USH2A: variants seen among roughly 807,000 people sequenced by gnomAD.
USH2A encodes Usher syndrome 2A (autosomal recessive, mild).
USH2A carries 443 observed loss-of-function variants against 538.9 expected under a neutral mutation model. The ratio of observed to expected loss-of-function variants is 0.82; its 90% CI spans 0.76 to 0.89. The LOEUF is 0.89. Ranked by LOEUF, USH2A falls within the 40% of genes least tolerant of loss-of-function variation. USH2A has a pLI of 0.00. For synonymous variants in USH2A, 2,413 were observed against 2,273.5 expected (o/e 1.06, Z -1.75); for missense variants, 6,633 against 6,324.8 (o/e 1.05, Z -1.65).
At position 215,999,016 on chromosome 1, in the gene USH2A, A is replaced by T; in HGVS notation, c.6528T>A (p.Tyr2176Ter). ...GTGTATGGTTTGACATATATAATAC[A>T]TAGCGTTCCAGAATCCCACTTATTT... is the stretch of plus-strand genomic sequence containing the variant. ...PRKISGILER[Y>*]VLYMSNHTHD... The change falls in exon 34 of 72, where the codon TAT becomes TAA. Residue 2176 changes from tyrosine to a stop codon, truncating the protein, a stop_gained. Coordinates refer to ENST00000307340, the MANE Select transcript of USH2A (RefSeq NM_206933.4). LOFTEE classifies it high-confidence loss of function. 1.9e-6 allele frequency: 3 copies of T among 1,612,584 alleles called. No homozygotes were observed. The highest frequency in any genetic ancestry group is 2.5e-6 in the Non-Finnish European group (3 of 1,178,982).
intron 26 of USH2A, among the ~76,000 whole-genome samples, chr1:216,081,531 G>A (rs77341298): frequency 0.01 from 1,597 of 152,228 alleles, 28 homozygotes; most frequent in African/African-American, 0.037. Context: ...TGCATGGGAA[G>A]TGTTAAAAGA....
At chr1:215,876,591 C>G (rs1664781194) in intron 43 of USH2A, among the ~76,000 whole-genome samples, 1 of 152,144 alleles carries the variant, frequency 6.6e-6, no homozygotes, top group African/African-American at 2.4e-5. Context: ...TATGGTAGAT[C>G]TGATAATATA....
At chr1:215,846,301 G>A (rs1248107095) in intron 44 of USH2A, among the ~76,000 whole-genome samples, 3 of 152,052 alleles carry the variant, frequency 2.0e-5, no homozygotes, top group Non-Finnish European at 4.4e-5. Context: ...CAGCCTTGAT[G>A]TCTTGGGCTC....
At chr1:215,733,129 C>T (rs2249342) in intron 60 of USH2A, among the ~76,000 whole-genome samples, 144,063 of 150,558 alleles carry the variant, frequency 0.96, 69,233 homozygotes, top group East Asian at 1. Context: ...AAGCTTACAA[C>T]TATGATGGAA....
intron 67 of USH2A, among the ~76,000 whole-genome samples, chr1:215,641,865 C>A (rs1008900729): frequency 6.6e-6 from 1 of 152,100 alleles, no homozygotes; most frequent in African/African-American, 2.4e-5. Context: ...TTCATAAAGC[C>A]ATAAGAAAAA....
chr1:215,698,116 T>C (rs1658878590), intron 61 of USH2A, among the ~76,000 whole-genome samples: 1 of 152,208 alleles, frequency 6.6e-6, no homozygotes, highest in Non-Finnish European at 1.5e-5. Flanking sequence ...CTGAGAATGA[T>C]GGTTTCCAGC....
At chr1:216,098,839 A>C (rs571657977) in intron 21 of USH2A, among the ~76,000 whole-genome samples, 1 of 152,342 alleles carries the variant, frequency 6.6e-6, no homozygotes, top group East Asian at 1.9e-4. Flanking sequence ...TAGATAATAT[A>C]GTACTTCAGC....
intron 3 of USH2A, among the ~76,000 whole-genome samples, chr1:216,394,388 A>T (rs1414739272): frequency 6.6e-6 from 1 of 152,138 alleles, no homozygotes; most frequent in African/African-American, 2.4e-5. Flanking sequence ...GGGAATGACT[A>T]TAAAAGAGTA....
At chr1:215,627,866 G>A (rs1434795218) in intron 71 of USH2A, among the ~76,000 whole-genome samples, 3 of 152,164 alleles carry the variant, frequency 2.0e-5, no homozygotes, top group African/African-American at 7.2e-5. Context: ...GGAATGGTAG[G>A]TACTGCAGCG....
At position 215,878,984 on chromosome 1, in the gene USH2A, C is replaced by A; in HGVS notation, c.8338G>T (p.Val2780Phe). The change falls in exon 42 of 72, where the codon GTT becomes TTT. Residue 2780 changes from valine to phenylalanine, a missense_variant. By Grantham distance (50) the Val-to-Phe change is conservative. Transcript: ENST00000307340. ...TTAGTGAAAGGAATCAGATGAGTAACTTTTTGACTTAACACTGCGGAAGTC... is the reference window on the plus strand; with the variant it reads ...TTAGTGAAAGGAATCAGATGAGTAAATTTTTGACTTAACACTGCGGAAGTC... ...NVTSAVLSQK[V>F]THLIPFTNYS... The A allele has an allele frequency of 6.2e-7, 1 of 1,614,074 alleles. No homozygotes were observed. The highest frequency in any genetic ancestry group is 1.7e-5 in the Admixed American group (1 of 60,004).
rs754932972 is a variant in USH2A, at chr1:216,232,110, T to C, written c.2836A>G (p.Thr946Ala). The part of the protein sequence containing the change: ...PGFYISPGNA[T>A]GCLPCSCHTT... Reference sequence around the variant, plus strand: ...TGGCATGAGCATGGCAGGCAGCCAGTGGCATTGCCTGGAGAAATATAAAAA... The same window carrying C: ...TGGCATGAGCATGGCAGGCAGCCAGCGGCATTGCCTGGAGAAATATAAAAA... Residue 946 changes from threonine (T) to alanine (A), a missense_variant, in exon 14 of 72, where the codon ACT becomes GCT. Thr to Ala is a moderately conservative substitution (Grantham distance 58). Coordinates refer to ENST00000307340, the MANE Select transcript of USH2A (RefSeq NM_206933.4). 5 of 1,613,724 alleles carry C rather than the reference T, an allele frequency of 3.1e-6. No homozygotes were observed. The highest frequency in any genetic ancestry group is 4.2e-6 in the Non-Finnish European group (5 of 1,179,802).
chr1:215,724,303 T>G (rs1362844208), intron 61 of USH2A, among the ~76,000 whole-genome samples: 2 of 151,990 alleles, frequency 1.3e-5, no homozygotes, highest in African/African-American at 4.8e-5. Flanking sequence ...AAATCATGTC[T>G]TTTGCAGCAA....
At chr1:216,418,326 A>G (rs1157598605) in intron 3 of USH2A, among the ~76,000 whole-genome samples, 188 bp downstream of exon 3, 1 of 152,098 alleles carries the variant, frequency 6.6e-6, no homozygotes. Flanking sequence ...TGGGGGAGGA[A>G]ATGCTAGTAT....
intron 13 of USH2A, among the ~76,000 whole-genome samples, chr1:216,242,133 C>T (rs1252734564): frequency 4.0e-5 from 6 of 150,656 alleles, no homozygotes; most frequent in South Asian, 2.1e-4. Flanking sequence ...AGGCAGATCA[C>T]GAAGTCAGGA....
Position 215,790,235 on chromosome 1 carries a change from A to C in USH2A, c.10006T>G (p.Cys3336Gly). The C allele has an allele frequency of 6.2e-7, 1 of 1,614,118 alleles. No individual in the cohort carries two copies. The highest frequency in any genetic ancestry group is 8.5e-7 in the Non-Finnish European group (1 of 1,180,006). Reference protein sequence around the residue: ...QDYVNMSDTICCSASSGESKA... With the variant: ...QDYVNMSDTIGCSASSGESKA... Reference sequence around the variant, plus strand: ...GACTCTCCACTGGAAGCTGAGCAGCATATGGTATCTGACATATTCACATAA... The same window carrying C: ...GACTCTCCACTGGAAGCTGAGCAGCCTATGGTATCTGACATATTCACATAA... Residue 3336 changes from cysteine (C) to glycine (G), a missense_variant, in exon 51 of 72, where the codon TGC becomes GGC. Coordinates refer to ENST00000307340, the MANE Select transcript of USH2A (RefSeq NM_206933.4).
At chr1:216,123,321 T>C (rs1049127627) in intron 21 of USH2A, among the ~76,000 whole-genome samples, 6 of 152,214 alleles carry the variant, frequency 3.9e-5, no homozygotes, top group Non-Finnish European at 7.3e-5. Context: ...ATATTAAGTC[T>C]TGTAAAACAA....
intron 15 of USH2A, among the ~76,000 whole-genome samples, chr1:216,211,443 G>A (rs1455805882): frequency 6.6e-6 from 1 of 152,010 alleles, no homozygotes; most frequent in African/African-American, 2.4e-5. Flanking sequence ...CAACTATGTT[G>A]ATGGTGGTGT....
At chr1:216,269,160 C>T (rs757887041) in intron 11 of USH2A, among the ~76,000 whole-genome samples, 16 of 152,052 alleles carry the variant, frequency 1.1e-4, no homozygotes, top group Non-Finnish European at 1.9e-4. Context: ...GCTGTGTCCT[C>T]ACCCAAATCT....
At chr1:216,416,825 A>T (rs1212485287) in intron 3 of USH2A, among the ~76,000 whole-genome samples, 1 of 152,034 alleles carries the variant, frequency 6.6e-6, no homozygotes, top group East Asian at 1.9e-4. Flanking sequence ...AGTAAAGATA[A>T]TTTTTTTGTC....
Sources: allele counts gnomAD v4.1 joint callset (sites outside exome capture counted in the v4.1 genomes callset), GRCh38; gene constraint gnomAD v4.1.1; transcripts MANE v1.5; gene names NCBI Gene and HGNC (gene_info 2026-07-23, HGNC 2026-07-21).